Variants in NPHP4 observed in about 807,000 individuals in gnomAD.
NPHP4 encodes the protein nephrocystin-4.
NPHP4 carries 151 observed loss-of-function variants against 155.8 expected under a neutral mutation model. That is an observed-to-expected ratio of 0.97 (90% CI 0.85 to 1.11). The LOEUF (loss-of-function observed/expected upper bound fraction) is 1.11. Among genes scored for constraint, NPHP4 ranks in the 50% least tolerant of loss-of-function variants. NPHP4 has a pLI of 0.00. For synonymous variants in NPHP4, 845 were observed against 816.8 expected (o/e 1.03, Z -0.59); for missense variants, 1,956 against 1,925.7 (o/e 1.02, Z -0.29).
intron 3 of NPHP4, among the ~76,000 whole-genome samples, chr1:5,975,972 C>G (rs1321285731): frequency 6.6e-6 from 1 of 152,192 alleles, no homozygotes; most frequent in Non-Finnish European, 1.5e-5. Context: ...CGAAGCCTCT[C>G]TAAAGGGAGA....
intron 18 of NPHP4, 70 bp downstream of exon 18, chr1:5,887,216 A>C (rs1643870891): frequency 7.0e-7 from 1 of 1,428,634 alleles, no homozygotes; most frequent in East Asian, 2.5e-5. Context: ...CCCCTGCCCG[A>C]GGGAGCCCAC....
chr1:5,891,050 A>G, intron 16 of NPHP4, 22 bp from the exon 17 acceptor site: 1 of 1,476,924 alleles, frequency 6.8e-7, no homozygotes, highest in Non-Finnish European at 9.1e-7. Flanking sequence ...GCACCAAAGG[A>G]GGCCAAAAGT....
chr1:5,912,537 C>CAAAAAAAAAAAAAA (rs752371714), intron 11 of NPHP4, among the ~76,000 whole-genome samples: 21 of 77,696 alleles, frequency 2.7e-4, no homozygotes, highest in Non-Finnish European at 4.3e-4. Context: ...GACTCCGTCT[C>CAAAAAAAAAAAAAA]AAAAAAAAAA....
chr1:5,867,196 A>G lies in NPHP4; in HGVS notation c.3473-81T>C. 2 of 1,050,664 alleles carry G rather than the reference A, an allele frequency of 1.9e-6. No individual in the cohort carries two copies. Among genetic ancestry groups the G allele is most frequent in the Middle Eastern group, 4.0e-4 (2 of 4,962 alleles). 65.1% of individuals were successfully genotyped at this position (1,050,664 alleles called of 1,614,324 possible). ...GAAGGCCCCACACATTACACACTAT[A>G]GGACAGGACAGGCTCGTCACAGGTG... is the stretch of plus-strand genomic sequence containing the variant. On this transcript the variant is annotated intron_variant, in intron 24 of 29. Coordinates refer to ENST00000378156, the MANE Select transcript of NPHP4 (RefSeq NM_015102.5). This position sits in a 1 kb window ranked among gnomAD's most constrained non-coding sequence, Gnocchi z 4.1.
intron 17 of NPHP4, 141 bp from the exon 18 acceptor site, chr1:5,887,607 C>CA: frequency 1.2e-6 from 1 of 821,806 alleles, no homozygotes; most frequent in Non-Finnish European, 1.9e-6. Context: ...AGACCCTGCA[C>CA]CACGCTGGGG....
At chr1:5,915,618 A>C (rs1456703537) in intron 11 of NPHP4, among the ~76,000 whole-genome samples, 2 of 152,140 alleles carry the variant, frequency 1.3e-5, no homozygotes, top group Non-Finnish European at 2.9e-5. Flanking sequence ...GGACTGCAGG[A>C]GTCCAGATCG....
chr1:5,885,231 A>G (rs1041305357), intron 18 of NPHP4, among the ~76,000 whole-genome samples: 1 of 149,466 alleles, frequency 6.7e-6, no homozygotes, highest in African/African-American at 2.5e-5. Context: ...AACCAAGATC[A>G]CTGCCCAAGC....
intron 29 of NPHP4, 56 bp downstream of exon 29, chr1:5,863,834 C>T (rs1417493476): frequency 6.3e-7 from 1 of 1,591,330 alleles, no homozygotes; most frequent in Non-Finnish European, 8.6e-7. Flanking sequence ...GCTAACTGCC[C>T]TCCATTCAGG....
chr1:5,970,965 T>TC (rs1017737060), intron 3 of NPHP4, among the ~76,000 whole-genome samples: 1 of 152,216 alleles, frequency 6.6e-6, no homozygotes, highest in African/African-American at 2.4e-5. Flanking sequence ...TTTCCAAGAC[T>TC]CCAGAACCGC....
intron 8 of NPHP4, among the ~76,000 whole-genome samples, chr1:5,947,667 C>T (rs1050696537): frequency 1.3e-5 from 2 of 152,168 alleles, no homozygotes; most frequent in Admixed American, 6.5e-5. Context: ...AAAGGCATGA[C>T]GCCCTGCAGT....
At chr1:5,950,367 G>A (rs1211617076) in intron 7 of NPHP4, among the ~76,000 whole-genome samples, 1 of 152,128 alleles carries the variant, frequency 6.6e-6, no homozygotes, top group African/African-American at 2.4e-5. Context: ...AGGAGGGCAG[G>A]CACCATGCCC....
chr1:5,874,407 A>G, intron 22 of NPHP4, 64 bp downstream of exon 22: 1 of 1,394,664 alleles, frequency 7.2e-7, no homozygotes, highest in Non-Finnish European at 9.6e-7. Flanking sequence ...GGAGACTGGA[A>G]GCATTCTCAA....
chr1:5,893,165 T>G (rs1644222669), intron 16 of NPHP4, among the ~76,000 whole-genome samples: 1 of 152,160 alleles, frequency 6.6e-6, no homozygotes, highest in African/African-American at 2.4e-5. Flanking sequence ...TAGGCCACTG[T>G]GGGGACCAGC....
intron 3 of NPHP4, among the ~76,000 whole-genome samples, chr1:5,976,693 C>T (rs1047115910): frequency 1.1e-4 from 16 of 152,226 alleles, no homozygotes; most frequent in Admixed American, 1.0e-3. Flanking sequence ...TCCAGACATA[C>T]ACTCTAGCAA....
intron 18 of NPHP4, chr1:5,886,761 C>A (rs1643841068): frequency 6.5e-6 from 1 of 153,068 alleles, no homozygotes; most frequent in Non-Finnish European, 1.5e-5. Context: ...ACCCAACCCA[C>A]CTGTCCCACC....
chr1:5,876,223 G>A (rs984922034), intron 20 of NPHP4: 2 of 152,146 alleles, frequency 1.3e-5, no homozygotes, highest in Admixed American at 6.5e-5. Context: ...CCTGCCAGCT[G>A]GGAGGGAGGG....
chr1:5,925,304 T>C (rs112267448), intron 11 of NPHP4, among the ~76,000 whole-genome samples: 37 of 152,330 alleles, frequency 2.4e-4, no homozygotes, highest in African/African-American at 8.7e-4. Flanking sequence ...TTAGGTATTG[T>C]AAGTAGCCTA....
chr1:5,985,504 G>A (rs1655342161), intron 2 of NPHP4, among the ~76,000 whole-genome samples: 1 of 152,248 alleles, frequency 6.6e-6, no homozygotes, highest in African/African-American at 2.4e-5. Context: ...AGCCCCTGCA[G>A]TCCTCACTGC....
rs189892729 is a variant in NPHP4 at position 5,867,406 on chromosome 1, G to T, written c.3473-291C>A. The T allele has an allele frequency of 3.7e-4, 204 of 549,120 alleles. 3 individuals carry two copies. The East Asian group carries it at 6.1e-3, about 16-fold the overall frequency. 34.0% of individuals were successfully genotyped at this position (549,120 alleles called of 1,614,324 possible). ...ACAGCTCCCTGGAGCAGGGAAGCCT[G>T]CACTCTGCTGTAAGGGGCACCTACC... On this transcript the variant is annotated intron_variant, in intron 24 of 29. Transcript: ENST00000378156. The surrounding 1 kb of genome is among the most constrained non-coding windows in gnomAD (Gnocchi z 4.1).
Sources: allele counts gnomAD v4.1 joint callset (sites outside exome capture counted in the v4.1 genomes callset), GRCh38; gene constraint gnomAD v4.1.1; non-coding constraint Gnocchi (gnomAD v3.1); transcripts MANE v1.5; gene names NCBI Gene and HGNC (gene_info 2026-07-23, HGNC 2026-07-21).